Variants in STX17 observed in about 807,000 individuals in gnomAD.
The protein encoded by STX17 is syntaxin-17.
In STX17, 29 loss-of-function variants were observed where a neutral mutation model predicts 35.9. The observed-to-expected ratio is 0.81, with a 90% CI of 0.60 to 1.10. The LOEUF (loss-of-function observed/expected upper bound fraction) is 1.10. Ranked by LOEUF, STX17 falls within the 50% of genes least tolerant of loss-of-function variation. The pLI is 0.00. For synonymous variants in STX17, 92 were observed against 118.3 expected (o/e 0.78, Z 1.44); for missense variants, 312 against 352.3 (o/e 0.89, Z 0.92).
intron 3 of STX17, among the ~76,000 whole-genome samples, chr9:99,930,465 C>T (rs925602669): frequency 1.3e-5 from 2 of 151,948 alleles, no homozygotes; most frequent in African/African-American, 4.8e-5. Context: ...GATGGGGTTT[C>T]ACAATGTTAG....
intron 2 of STX17, among the ~76,000 whole-genome samples, chr9:99,927,053 C>T (rs1828999476): frequency 6.6e-6 from 1 of 152,148 alleles, no homozygotes; most frequent in African/African-American, 2.4e-5. Flanking sequence ...TTGTTGAAGA[C>T]TCAAAAGGAA....
At chr9:99,909,490 G>A (rs1403024406) in intron 1 of STX17, among the ~76,000 whole-genome samples, 2 of 152,052 alleles carry the variant, frequency 1.3e-5, no homozygotes, top group Non-Finnish European at 2.9e-5. Context: ...ATCTCTTTGT[G>A]GTATAGAAGA....
In STX17 at chr9:99,969,186, A is replaced by G. The variant is rs963808067; in HGVS notation, c.*513A>G. ...GAGTCCATTGGCGAACCCTATTGCA[A>G]TTTGGTCCAACTATATCTTCTGGTG... On this transcript the variant is annotated 3_prime_UTR_variant, in exon 8 of 8. Transcript: ENST00000259400. 1 of 152,232 alleles carries G rather than the reference A, an allele frequency of 6.6e-6. No individual in the cohort carries two copies. Among genetic ancestry groups the G allele is most frequent in the Admixed American group, 6.5e-5 (1 of 15,286 alleles). The allele number at this position is 152,232 out of a possible 1,614,324, so 9.4% of individuals were successfully genotyped here. A position where few individuals can be genotyped will look rare whatever the true frequency, so the allele number is the denominator to read the frequency against.
chr9:99,950,991 C>T (rs538622650), intron 3 of STX17, 69 bp from the exon 4 acceptor site: 24 of 1,321,972 alleles, frequency 1.8e-5, no homozygotes, highest in Non-Finnish European at 2.5e-5. Flanking sequence ...ACTATTATAA[C>T]ATTACTTCTG....
chr9:99,915,930 G>A (rs1828759445), intron 2 of STX17: 1 of 421,114 alleles, frequency 2.4e-6, no homozygotes, highest in South Asian at 1.7e-5. Flanking sequence ...TTGATTGATG[G>A]TGCACTATAA....
chr9:99,970,951 C>T lies in STX17; in HGVS notation c.*2278C>T, dbSNP rs1382068313. The stretch of plus-strand genomic sequence containing the variant: ...ATATAAGCCCTTGACTTTTACTGCT[C>T]ATCAGGATTGGAATATTACTCTAGC... On this transcript the variant is annotated 3_prime_UTR_variant, in exon 8 of 8. Coordinates refer to ENST00000259400, the MANE Select transcript of STX17 (RefSeq NM_017919.3). Among the ~76,000 whole-genome samples, 2 of 152,180 alleles carry T rather than the reference C, an allele frequency of 1.3e-5. No individual in the cohort carries two copies. The highest frequency in any genetic ancestry group is 2.9e-5 in the Non-Finnish European group (2 of 68,036).
At chr9:99,942,978 T>G (rs62580717) in intron 3 of STX17, among the ~76,000 whole-genome samples, 9,065 of 152,312 alleles carry the variant, frequency 0.06, 365 homozygotes, top group East Asian at 0.086. Context: ...TACTTCCTTC[T>G]TCACAAGTGA....
intron 2 of STX17, chr9:99,916,059 A>C (rs1293008344): frequency 2.2e-6 from 1 of 456,036 alleles, no homozygotes; most frequent in Non-Finnish European, 4.4e-6. Context: ...GTATACATAC[A>C]TTAAAGAAGT....
intron 3 of STX17, among the ~76,000 whole-genome samples, chr9:99,938,386 T>C (rs188822034): frequency 6.6e-6 from 1 of 152,262 alleles, no homozygotes; most frequent in East Asian, 1.9e-4. Context: ...TAAGAAAACA[T>C]TAGGATTAAG....
chr9:99,965,189 G>T (rs2118537465), intron 6 of STX17, among the ~76,000 whole-genome samples: 1 of 152,126 alleles, frequency 6.6e-6, no homozygotes, highest in East Asian at 1.9e-4. Flanking sequence ...TCTCAGGATT[G>T]GTTTTTTGCC....
chr9:99,949,892 A>G (rs1432175699), intron 3 of STX17, among the ~76,000 whole-genome samples: 2 of 151,846 alleles, frequency 1.3e-5, no homozygotes, highest in Non-Finnish European at 2.9e-5. Flanking sequence ...GCAAATTTAA[A>G]CCTAGTAAAG....
intron 3 of STX17, among the ~76,000 whole-genome samples, chr9:99,945,561 T>C (rs570703301): frequency 1.3e-5 from 2 of 152,128 alleles, no homozygotes; most frequent in Non-Finnish European, 2.9e-5. Context: ...ACTGGAATAT[T>C]TATTTCATTT....
At chr9:99,957,123 C>A (rs529034256) in intron 4 of STX17, among the ~76,000 whole-genome samples, 1 of 152,254 alleles carries the variant, frequency 6.6e-6, no homozygotes, top group Admixed American at 6.5e-5. Flanking sequence ...CATCAAACTG[C>A]TGATTTACAT....
chr9:99,963,709 T>C (rs1267537027), intron 6 of STX17, among the ~76,000 whole-genome samples: 1 of 152,210 alleles, frequency 6.6e-6, no homozygotes, highest in African/African-American at 2.4e-5. Context: ...ATTTTAGTAC[T>C]GGAATTCCTT....
intron 1 of STX17, among the ~76,000 whole-genome samples, chr9:99,912,998 A>G (rs1205615692): frequency 6.6e-6 from 1 of 152,082 alleles, no homozygotes; most frequent in African/African-American, 2.4e-5. Flanking sequence ...TTTAAATGAT[A>G]ATTTACCTGG....
chr9:99,915,160 G>A lies in STX17; in HGVS notation c.-62-18G>A. On this transcript the variant is annotated intron_variant, in intron 1 of 7. Transcript: ENST00000259400. Reference sequence around the variant, plus strand: ...AAACAGATTTGAAAACATTCTTAAAGAAATATTTTTCTTTTAGGTTTTTCT... The same window carrying A: ...AAACAGATTTGAAAACATTCTTAAAAAAATATTTTTCTTTTAGGTTTTTCT... The A allele has an allele frequency of 7.0e-7, 1 of 1,423,712 alleles. No homozygotes were observed. The allele number at this position is 1,423,712 out of a possible 1,614,324, so 88.2% of individuals were successfully genotyped here. A position where few individuals can be genotyped will look rare whatever the true frequency, so the allele number is the denominator to read the frequency against.
rs1830008131 is a variant in STX17, at chr9:99,971,107, T to C, written c.*2434T>C. Among the ~76,000 whole-genome samples, 1 of 152,248 alleles carries C rather than the reference T, an allele frequency of 6.6e-6. No individual in the cohort carries two copies. Among genetic ancestry groups the C allele is most frequent in the African/African-American group, 2.4e-5 (1 of 41,466 alleles). On this transcript the variant is annotated 3_prime_UTR_variant, in exon 8 of 8. Coordinates refer to ENST00000259400, the MANE Select transcript of STX17 (RefSeq NM_017919.3). ...TCAACTATAAATGATAAAGTGTTTA[T>C]AAGCATAGTCAGTGTGACACAGAAA...
intron 2 of STX17, among the ~76,000 whole-genome samples, chr9:99,915,667 A>G (rs1828754482): frequency 6.6e-6 from 1 of 152,022 alleles, no homozygotes; most frequent in South Asian, 2.1e-4. Context: ...ATCATAGCCT[A>G]CTGCAACCTC....
chr9:99,945,723 G>A, intron 3 of STX17: 1 of 392,728 alleles, frequency 2.5e-6, no homozygotes, highest in Admixed American at 2.9e-5. Context: ...TTCTAGTTTA[G>A]GAACTACATT....
Sources: allele counts gnomAD v4.1 joint callset (sites outside exome capture counted in the v4.1 genomes callset), GRCh38; gene constraint gnomAD v4.1.1; transcripts MANE v1.5; gene names NCBI Gene and HGNC (gene_info 2026-07-23, HGNC 2026-07-21).